Variants in KAT7 observed in about 807,000 individuals in gnomAD.
KAT7 encodes the protein histone acetyltransferase KAT7.
In KAT7, 10 loss-of-function variants were observed where a neutral mutation model predicts 82.1. That is an observed-to-expected ratio of 0.12 (90% CI 0.08 to 0.21). KAT7 has a LOEUF of 0.21. Ranked by LOEUF, KAT7 falls within the 10% of genes least tolerant of loss-of-function variation. The pLI is 1.00. For missense variants in KAT7, 378 were observed against 760.9 expected (o/e 0.50, Z 5.92); for synonymous variants, 250 against 262.5 (o/e 0.95, Z 0.46).
chr17:49,818,416 G>T (rs936152588), intron 9 of KAT7, among the ~76,000 whole-genome samples: 2 of 152,148 alleles, frequency 1.3e-5, no homozygotes, highest in African/African-American at 4.8e-5. Context: ...AACTAGTGTG[G>T]ACAACTGATG....
chr17:49,795,250 A>G (rs1054373772), intron 2 of KAT7: 3 of 156,076 alleles, frequency 1.9e-5, no homozygotes, highest in Non-Finnish European at 2.8e-5. Flanking sequence ...ACATCACAGT[A>G]TACTCTATAA....
At chr17:49,799,174 G>A (rs955256840) in intron 4 of KAT7, among the ~76,000 whole-genome samples, 2 of 152,138 alleles carry the variant, frequency 1.3e-5, no homozygotes, top group Non-Finnish European at 2.9e-5. Context: ...AACCTTATTT[G>A]TGCACCTTCA....
chr17:49,817,852 G>T lies in KAT7; in HGVS notation c.996G>T (p.Glu332Asp). 6.2e-7 allele frequency: 1 copy of T among 1,612,596 alleles called. No homozygotes were observed. The highest frequency in any genetic ancestry group is 8.5e-7 in the Non-Finnish European group (1 of 1,179,824). Residue 332 changes from glutamate to aspartate, a missense_variant, in exon 9 of 15, where the codon GAG becomes GAT. Physicochemically the swap from Glu to Asp is conservative, Grantham distance 45 (BLOSUM62 2). Coordinates refer to ENST00000259021, the MANE Select transcript of KAT7 (RefSeq NM_007067.5). ...EKLRLQGQIT[E>D]GSNMIKTIAF... Reference sequence around the variant, plus strand: ...TAAGGCTGCAAGGCCAAATCACAGAGGGAAGCAACATGATTAAAACAATTG... The same window carrying T: ...TAAGGCTGCAAGGCCAAATCACAGATGGAAGCAACATGATTAAAACAATTG...
At position 49,809,268 on chromosome 17, in the gene KAT7, T is replaced by C. The variant is rs2074131729; in HGVS notation, c.753+60T>C. 2.5e-6 allele frequency: 3 copies of C among 1,187,528 alleles called. No homozygotes were observed. The Admixed American group carries it at 5.3e-5, about 21-fold the overall frequency. 73.6% of individuals were successfully genotyped at this position (1,187,528 alleles called of 1,614,324 possible). On this transcript the variant is annotated intron_variant, in intron 6 of 14. Transcript: ENST00000259021. ...TTTGAGGTCCGTTTCTTGGATCTCC[T>C]CTATAATTGTCTTCAGGCATGTCTG...
chr17:49,791,621 G>A (rs2073890976), intron 1 of KAT7, among the ~76,000 whole-genome samples: 1 of 152,210 alleles, frequency 6.6e-6, no homozygotes, highest in African/African-American at 2.4e-5. Flanking sequence ...TTGCGCCCTT[G>A]CACTCCAGCC....
chr17:49,806,188 C>G (rs1372539270), intron 5 of KAT7, among the ~76,000 whole-genome samples: 1 of 152,190 alleles, frequency 6.6e-6, no homozygotes, highest in Admixed American at 6.5e-5. Context: ...TGTTACTTTG[C>G]TAGTGACACC....
chr17:49,793,659 C>T (rs1004983392), intron 2 of KAT7, among the ~76,000 whole-genome samples: 1 of 151,066 alleles, frequency 6.6e-6, no homozygotes, highest in South Asian at 2.1e-4. Flanking sequence ...CTGCAACTTC[C>T]GCCTCCTGGG....
chr17:49,805,260 T>C (rs144922670), intron 4 of KAT7, 103 bp from the exon 5 acceptor site: 18 of 738,882 alleles, frequency 2.4e-5, no homozygotes, highest in Non-Finnish European at 4.0e-5. Context: ...AGACATATAT[T>C]TGATAAAAAT....
At chr17:49,790,828 T>C (rs1259181579) in intron 1 of KAT7, among the ~76,000 whole-genome samples, 1 of 152,198 alleles carries the variant, frequency 6.6e-6, no homozygotes, top group African/African-American at 2.4e-5. Flanking sequence ...GCCCTCAGGG[T>C]TTTGAATAAA....
At chr17:49,805,713 A>AT (rs1700559924) in intron 5 of KAT7, among the ~76,000 whole-genome samples, 1 of 152,216 alleles carries the variant, frequency 6.6e-6, no homozygotes. Context: ...GTGCATTGAT[A>AT]TTTTCTGTTG....
At chr17:49,802,123 T>C (rs1338633231) in intron 4 of KAT7, among the ~76,000 whole-genome samples, 1 of 152,210 alleles carries the variant, frequency 6.6e-6, no homozygotes, top group Admixed American at 6.5e-5. Flanking sequence ...TTCATTATAT[T>C]GATAGTTTAT....
chr17:49,805,484 G>A, intron 5 of KAT7, 39 bp downstream of exon 5: 2 of 1,467,510 alleles, frequency 1.4e-6, no homozygotes, highest in Non-Finnish European at 1.9e-6. Flanking sequence ...TGCTTATTGA[G>A]TGCTTACCGT....
chr17:49,792,878 C>A (rs1303943717), intron 2 of KAT7, among the ~76,000 whole-genome samples: 1 of 152,122 alleles, frequency 6.6e-6, no homozygotes, highest in Admixed American at 6.5e-5. Context: ...GTGGTGTGAT[C>A]TTGGCTCACT....
chr17:49,822,361 G>A (rs2074315311), intron 11 of KAT7, among the ~76,000 whole-genome samples: 1 of 151,876 alleles, frequency 6.6e-6, no homozygotes, highest in African/African-American at 2.4e-5. Context: ...CTGAGTAGCT[G>A]GGATAACAGG....
intron 8 of KAT7, among the ~76,000 whole-genome samples, chr17:49,816,701 A>T (rs142003981): frequency 7.7e-4 from 117 of 152,164 alleles, no homozygotes; most frequent in Middle Eastern, 3.4e-3. Context: ...TCTCTATCCT[A>T]TTCTGGCATG....
intron 7 of KAT7, among the ~76,000 whole-genome samples, chr17:49,814,242 A>G (rs1049479237): frequency 6.6e-6 from 1 of 152,134 alleles, no homozygotes; most frequent in African/African-American, 2.4e-5. Flanking sequence ...AATTTTATGA[A>G]TACATGGACA....
chr17:49,803,211 C>T lies in KAT7; in HGVS notation c.581-2152C>T, dbSNP rs1266546065. ...ATAGCCTCTGCCTCCCAGGTTCAAG[C>T]GATTTGCCTGCCTCAGCCTCCTGAG... On this transcript the variant is annotated intron_variant, in intron 4 of 14. Coordinates refer to ENST00000259021, the MANE Select transcript of KAT7 (RefSeq NM_007067.5). Among the ~76,000 whole-genome samples, 9 of 151,704 alleles carry T rather than the reference C, an allele frequency of 5.9e-5. No individual in the cohort carries two copies. In the South Asian group the frequency reaches 8.3e-4, roughly 14 times the overall value.
rs1022389606 is a variant in KAT7, at chr17:49,829,542, C to T, written c.*2040C>T. On this transcript the variant is annotated 3_prime_UTR_variant, in exon 15 of 15. Transcript: ENST00000259021. ...AGTGTCACCTCTAATTATTGACTCT[C>T]TCGCAGGTTGAAATTATTCTTTTTG... The T allele has an allele frequency of 6.6e-6, 1 of 152,194 alleles. No individual in the cohort carries two copies. Among genetic ancestry groups the T allele is most frequent in the Admixed American group, 6.5e-5 (1 of 15,282 alleles). The allele number at this position is 152,194 out of a possible 1,614,324, so 9.4% of individuals were successfully genotyped here.
In KAT7 at chr17:49,832,728, C is replaced by T. The variant is rs991962366; in HGVS notation, c.*5226C>T. The T allele has an allele frequency of 6.6e-6, 1 of 152,196 alleles. No individual in the cohort carries two copies. The highest frequency in any genetic ancestry group is 1.5e-5 in the Non-Finnish European group (1 of 68,058). The allele number at this position is 152,196 out of a possible 1,614,324, so 9.4% of individuals were successfully genotyped here. ...CTGAGGCTCTCAGCATTAGTTTCCT[C>T]TACCTCTTGTGTCTCACAGGTGCAC... On this transcript the variant is annotated 3_prime_UTR_variant, in exon 15 of 15. Transcript: ENST00000259021.
Sources: gnomAD v4.1 joint callset for allele counts (sites outside exome capture counted in the v4.1 genomes callset) on GRCh38, gnomAD v4.1.1 for gene constraint, MANE v1.5 for transcripts, NCBI Gene and HGNC (gene_info 2026-07-23, HGNC 2026-07-21) for gene names.